PLD5: variants seen among roughly 807,000 people sequenced by gnomAD.
PLD5 encodes inactive phospholipase D5.
Under a neutral mutation model 61.1 loss-of-function variants are expected in PLD5, and 36 were observed. The ratio of observed to expected loss-of-function variants is 0.59; its 90% CI spans 0.45 to 0.78. PLD5 has a LOEUF of 0.78. PLD5 is among the 30% of genes least tolerant of loss of function. The probability of loss-of-function intolerance (pLI) is 0.00; values close to 1 mark genes in which losing one functional copy is unlikely to be tolerated. For missense variants in PLD5, 515 were observed against 644.4 expected (o/e 0.80, Z 2.17); for synonymous variants, 243 against 242.8 (o/e 1.00, Z -0.01).
At chr1:242,182,734 T>C (rs1292188373) in intron 5 of PLD5, among the ~76,000 whole-genome samples, 3 of 152,040 alleles carry the variant, frequency 2.0e-5, no homozygotes, top group African/African-American at 7.2e-5. Context: ...TCCCAGCTAC[T>C]TGGGAGGCTG....
chr1:242,267,572 C>T (rs979071581), intron 3 of PLD5, among the ~76,000 whole-genome samples: 2 of 152,142 alleles, frequency 1.3e-5, no homozygotes, highest in Admixed American at 6.5e-5. Flanking sequence ...GTGCATCAGA[C>T]AGTTATTAAC....
At chr1:242,263,630 T>G (rs1429417080) in intron 4 of PLD5, among the ~76,000 whole-genome samples, 4 of 152,106 alleles carry the variant, frequency 2.6e-5, no homozygotes, top group East Asian at 3.9e-4. Context: ...TTTACTCCTA[T>G]GAAGGAAAAT....
chr1:242,377,456 T>C, intron 1 of PLD5: 2 of 742,940 alleles, frequency 2.7e-6, no homozygotes, highest in Non-Finnish European at 4.7e-6. Flanking sequence ...TGGTGGCATC[T>C]GTCATTTCTT....
chr1:242,124,371 T>A, intron 6 of PLD5, 97 bp downstream of exon 6: 1 of 1,204,554 alleles, frequency 8.3e-7, no homozygotes, highest in East Asian at 2.4e-5. Flanking sequence ...CTGTAATTCA[T>A]TTTTGCCCAA....
At position 242,113,947 on chromosome 1, in the gene PLD5, T is replaced by A; in HGVS notation, c.1013A>T (p.Gln338Leu). 6.2e-7 allele frequency: 1 copy of A among 1,614,162 alleles called. No homozygotes were observed. The highest frequency in any genetic ancestry group is 8.5e-7 in the Non-Finnish European group (1 of 1,179,996). ...GTCCATGACAGCGATGTACACATAC[T>A]GCTTGGCATCATCTATCACACTGTA... The part of the protein sequence containing the change: ...AIYSVIDDAK[Q>L]YVYIAVMDYL... The change falls in exon 7 of 10, where the codon CAG (glutamine) becomes CTG (leucine). Residue 338 changes from glutamine (Q) to leucine (L), a missense_variant. Gln to Leu is a moderately radical substitution (Grantham distance 113). Transcript: ENST00000536534.
intron 1 of PLD5, among the ~76,000 whole-genome samples, chr1:242,434,694 A>G (rs1412982720): frequency 6.6e-6 from 1 of 152,076 alleles, no homozygotes; most frequent in Non-Finnish European, 1.5e-5. Context: ...GCTCACTGCA[A>G]GCTCCGCCTC....
chr1:242,308,265 G>A (rs992283719), intron 2 of PLD5, among the ~76,000 whole-genome samples: 2 of 151,898 alleles, frequency 1.3e-5, no homozygotes, highest in Non-Finnish European at 2.9e-5. Flanking sequence ...TCTAATCTTG[G>A]AAGTTTAAAA....
chr1:242,296,220 C>T (rs1307454625), intron 2 of PLD5, among the ~76,000 whole-genome samples: 4 of 152,184 alleles, frequency 2.6e-5, no homozygotes, highest in Non-Finnish European at 5.9e-5. Flanking sequence ...TGTCTGTTCA[C>T]GTACTTTGAC....
At chr1:242,471,614 G>C (rs1667450746) in intron 1 of PLD5, among the ~76,000 whole-genome samples, 1 of 151,770 alleles carries the variant, frequency 6.6e-6, no homozygotes, top group Non-Finnish European at 1.5e-5. Flanking sequence ...TATGAGAAAA[G>C]AGAAAAAAGG....
chr1:242,388,691 G>T (rs1478377686), intron 1 of PLD5, among the ~76,000 whole-genome samples: 1 of 152,090 alleles, frequency 6.6e-6, no homozygotes, highest in Non-Finnish European at 1.5e-5. Flanking sequence ...AGGAGGAAAT[G>T]ACTACTAAAA....
intron 3 of PLD5, among the ~76,000 whole-genome samples, chr1:242,286,754 C>G (rs1220699949): frequency 6.6e-6 from 1 of 152,152 alleles, no homozygotes; most frequent in East Asian, 1.9e-4. Flanking sequence ...AATCTGTAGA[C>G]TTTTCTCCTG....
intron 1 of PLD5, among the ~76,000 whole-genome samples, chr1:242,362,347 T>A (rs957064837): frequency 6.6e-6 from 1 of 152,230 alleles, no homozygotes; most frequent in Non-Finnish European, 1.5e-5. Context: ...AAAATCTGTC[T>A]GTTTTATAGA....
At chr1:242,106,997 C>T (rs898072861) in intron 8 of PLD5, among the ~76,000 whole-genome samples, 3 of 152,088 alleles carry the variant, frequency 2.0e-5, no homozygotes, top group African/African-American at 7.2e-5. Flanking sequence ...ATTGCTAATT[C>T]CCAATCTTAC....
intron 5 of PLD5, among the ~76,000 whole-genome samples, chr1:242,163,247 C>T (rs568847616): frequency 1.3e-5 from 2 of 149,080 alleles, no homozygotes; most frequent in African/African-American, 5.2e-5. Context: ...GGGTTCATGC[C>T]ATTCTCCTGC....
Position 242,336,510 on chromosome 1 carries a change from G to A in PLD5, c.326+11596C>T, listed in dbSNP as rs2580225. On this transcript the variant is annotated intron_variant, in intron 2 of 9. Transcript: ENST00000536534. ...TCTATCTGTCTTAATACGTAAAGGC[G>A]TGGAAAAAAATCGTTCATGGTACAT... Among the ~76,000 whole-genome samples, 21 of 152,246 alleles carry A rather than the reference G, an allele frequency of 1.4e-4. No individual in the cohort carries two copies. The East Asian group carries it at 3.7e-3, about 27-fold the overall frequency.
intron 5 of PLD5, among the ~76,000 whole-genome samples, chr1:242,204,115 C>T (rs918227167): frequency 2.6e-5 from 4 of 151,140 alleles, no homozygotes; most frequent in East Asian, 1.9e-4. Flanking sequence ...TGGTGGCGGG[C>T]GCCTGTAGTC....
At chr1:242,440,260 C>A (rs547704623) in intron 1 of PLD5, among the ~76,000 whole-genome samples, 8 of 152,038 alleles carry the variant, frequency 5.3e-5, no homozygotes, top group Non-Finnish European at 1.2e-4. Flanking sequence ...CGAGTCACCC[C>A]GGTGGAAGGG....
At chr1:242,123,686 T>C (rs1258307173) in intron 6 of PLD5, among the ~76,000 whole-genome samples, 2 of 152,088 alleles carry the variant, frequency 1.3e-5, no homozygotes, top group African/African-American at 4.8e-5. Flanking sequence ...AAATCAATTG[T>C]TTTTTTTCTT....
chr1:242,280,295 A>T (rs1574658503), intron 3 of PLD5, among the ~76,000 whole-genome samples: 1 of 152,336 alleles, frequency 6.6e-6, no homozygotes, highest in Admixed American at 6.5e-5. Flanking sequence ...CCTGTAGTAC[A>T]TGGATCTGGA....
Sources: gnomAD v4.1 joint callset for allele counts (sites outside exome capture counted in the v4.1 genomes callset) on GRCh38, gnomAD v4.1.1 for gene constraint, MANE v1.5 for transcripts, NCBI Gene and HGNC (gene_info 2026-07-23, HGNC 2026-07-21) for gene names.